Variants in ROBO2 observed in about 807,000 individuals in gnomAD.
ROBO2 encodes the protein roundabout homolog 2.
ROBO2 carries 53 observed loss-of-function variants against 160.8 expected under a neutral mutation model. The observed-to-expected ratio is 0.33, with a 90% CI of 0.26 to 0.41. ROBO2 has a LOEUF of 0.41. ROBO2 is among the 10% of genes least tolerant of loss of function. The pLI, the probability that ROBO2 is intolerant of heterozygous loss-of-function variation, is 1.00. For synonymous variants in ROBO2, 664 were observed against 611.7 expected, an observed-to-expected ratio of 1.09 and a Z score of -1.26; for missense variants, 1,577 against 1,722.4, an observed-to-expected ratio of 0.92 and a Z score of 1.49.
chr3:76,840,566 C>T (rs2068133917), intron 2 of ROBO2, among the ~76,000 whole-genome samples: 1 of 149,188 alleles, frequency 6.7e-6, no homozygotes, highest in African/African-American at 2.5e-5. Context: ...GCCGAGATCG[C>T]ACCACTGCAC....
At chr3:77,464,074 G>T (rs923285219) in intron 2 of ROBO2, among the ~76,000 whole-genome samples, 2 of 152,064 alleles carry the variant, frequency 1.3e-5, no homozygotes, top group Non-Finnish European at 2.9e-5. Context: ...AAGATCATTT[G>T]TTCAGGCTTC....
At chr3:76,591,443 T>A (rs894632087) in intron 2 of ROBO2, among the ~76,000 whole-genome samples, 32 of 152,120 alleles carry the variant, frequency 2.1e-4, no homozygotes, top group African/African-American at 7.2e-4. Flanking sequence ...ATCAGTGATG[T>A]CTAAGCCATA....
chr3:77,596,663 T>A (rs1425718695), exon 19 of ROBO2: 1 of 1,614,040 alleles, frequency 6.2e-7, no homozygotes, highest in Admixed American at 1.7e-5. Context: ...CAGCTATCCA[T>A]GGCTTGCTGA....
chr3:77,461,925 C>A (rs1289078484), intron 2 of ROBO2, among the ~76,000 whole-genome samples: 1 of 152,058 alleles, frequency 6.6e-6, no homozygotes, highest in African/African-American at 2.4e-5. Flanking sequence ...GGGGTTTCAC[C>A]ATGTTGGCCA....
At chr3:76,727,309 A>C (rs1399408736) in intron 2 of ROBO2, among the ~76,000 whole-genome samples, 1 of 152,180 alleles carries the variant, frequency 6.6e-6, no homozygotes, top group East Asian at 1.9e-4. Context: ...ACAAACACAA[A>C]ATGAAGAAAA....
intron 2 of ROBO2, among the ~76,000 whole-genome samples, chr3:76,970,910 T>C (rs1255087699): frequency 6.6e-6 from 1 of 152,200 alleles, no homozygotes; most frequent in Non-Finnish European, 1.5e-5. Flanking sequence ...GGCAAACTTA[T>C]GAAATACATG....
intron 2 of ROBO2, among the ~76,000 whole-genome samples, chr3:77,033,327 G>C (rs1435393418): frequency 6.6e-6 from 1 of 152,164 alleles, no homozygotes; most frequent in African/African-American, 2.4e-5. Flanking sequence ...GATGACAAGT[G>C]AATGGTTTAC....
chr3:76,753,164 G>A (rs150186929), intron 2 of ROBO2, among the ~76,000 whole-genome samples: 130 of 151,900 alleles, frequency 8.6e-4, no homozygotes, highest in Non-Finnish European at 1.6e-3. Flanking sequence ...AAAGCCATTT[G>A]GGAAGACATG....
chr3:76,970,297 T>C (rs1156599957), intron 2 of ROBO2, among the ~76,000 whole-genome samples: 2 of 152,144 alleles, frequency 1.3e-5, no homozygotes, highest in Non-Finnish European at 2.9e-5. Context: ...AGATTTTAAG[T>C]AAATACCACT....
chr3:77,088,766 G>T (rs2069703526), intron 1 of ROBO2, among the ~76,000 whole-genome samples: 1 of 152,138 alleles, frequency 6.6e-6, no homozygotes, highest in Non-Finnish European at 1.5e-5. Flanking sequence ...AAGAATTCAT[G>T]TGATATCCAT....
chr3:76,454,811 T>C (rs989947388), intron 2 of ROBO2, among the ~76,000 whole-genome samples: 1 of 152,142 alleles, frequency 6.6e-6, no homozygotes, highest in African/African-American at 2.4e-5. Context: ...TAAATACCAT[T>C]GCTATATGTT....
At chr3:77,645,350 T>C (rs2095402354) in intron 25 of ROBO2, among the ~76,000 whole-genome samples, 1 of 152,202 alleles carries the variant, frequency 6.6e-6, no homozygotes, top group Admixed American at 6.5e-5. Flanking sequence ...TGATCTTTGA[T>C]TGTTAATTAA....
intron 4 of ROBO2, among the ~76,000 whole-genome samples, chr3:77,481,749 C>T (rs1184554993): frequency 6.6e-6 from 1 of 152,126 alleles, no homozygotes; most frequent in Non-Finnish European, 1.5e-5. Flanking sequence ...TTATGATATT[C>T]ATGTTCCTTC....
intron 2 of ROBO2, among the ~76,000 whole-genome samples, chr3:76,921,068 T>G (rs1446637890): frequency 6.6e-6 from 1 of 152,152 alleles, no homozygotes; most frequent in Non-Finnish European, 1.5e-5. Context: ...CAGTAATAAA[T>G]TTTTAGTGAG....
intron 2 of ROBO2, among the ~76,000 whole-genome samples, chr3:76,866,694 C>T (rs2071407405): frequency 6.6e-6 from 1 of 152,136 alleles, no homozygotes; most frequent in African/African-American, 2.4e-5. Flanking sequence ...AGCATACCAA[C>T]TCTTGTTCTA....
intron 2 of ROBO2, among the ~76,000 whole-genome samples, chr3:75,993,787 G>A (rs541221779): frequency 6.6e-6 from 1 of 152,222 alleles, no homozygotes; most frequent in East Asian, 1.9e-4. Context: ...ATGACTGGTG[G>A]TCATGGTATC....
intron 1 of ROBO2, among the ~76,000 whole-genome samples, chr3:75,931,117 G>C (rs544314067): frequency 6.6e-6 from 1 of 152,100 alleles, no homozygotes; most frequent in East Asian, 1.9e-4. Flanking sequence ...TATCCCTTTT[G>C]TGCTTCATCC....
chr3:77,625,369 A>ATCTT (rs1303139178), intron 23 of ROBO2, among the ~76,000 whole-genome samples: 1 of 151,552 alleles, frequency 6.6e-6, no homozygotes, highest in Non-Finnish European at 1.5e-5. Flanking sequence ...AGTGCAAGCC[A>ATCTT]TCTTTCTTTC....
At chr3:77,591,374 A>G (rs2094176593) in intron 17 of ROBO2, among the ~76,000 whole-genome samples, 1 of 152,106 alleles carries the variant, frequency 6.6e-6, no homozygotes, top group Non-Finnish European at 1.5e-5. Flanking sequence ...AAGCTTCCTC[A>G]CTCAAAATGT....
Sources: allele counts gnomAD v4.1 joint callset (sites outside exome capture counted in the v4.1 genomes callset), GRCh38; gene constraint gnomAD v4.1.1; transcripts MANE v1.5; gene names NCBI Gene and HGNC (gene_info 2026-07-23, HGNC 2026-07-21).